Variants in DNAH14 observed in about 807,000 individuals in gnomAD.
The protein encoded by DNAH14 is dynein axonemal heavy chain 14.
In DNAH14, 478 loss-of-function variants were observed where a neutral mutation model predicts 520.9. The ratio of observed to expected loss-of-function variants is 0.92; its 90% CI spans 0.85 to 0.99. The LOEUF is 0.99. Ranked by LOEUF, DNAH14 falls within the 50% of genes least tolerant of loss-of-function variation. The pLI is 0.00. For synonymous variants in DNAH14, 1,581 were observed against 1,757.2 expected (o/e 0.90, Z 2.51); for missense variants, 4,831 against 5,234.5 (o/e 0.92, Z 2.38).
intron 60 of DNAH14, among the ~76,000 whole-genome samples, chr1:225,313,091 G>T (rs1167938459): frequency 1.3e-5 from 2 of 152,068 alleles, no homozygotes; most frequent in Non-Finnish European, 2.9e-5. Context: ...TTTTCAGTTG[G>T]TAGGCTATTA....
At chr1:225,108,165 C>T (rs1009649819) in intron 23 of DNAH14, among the ~76,000 whole-genome samples, 2 of 152,172 alleles carry the variant, frequency 1.3e-5, no homozygotes, top group African/African-American at 4.8e-5. Context: ...TATCTTTCTC[C>T]CTTGCTGGAT....
intron 8 of DNAH14, among the ~76,000 whole-genome samples, chr1:224,985,894 C>T (rs1377895051): frequency 1.3e-5 from 2 of 151,312 alleles, no homozygotes; most frequent in African/African-American, 2.4e-5. Context: ...TGAAGCATGC[C>T]TACAAGATCT....
intron 38 of DNAH14, among the ~76,000 whole-genome samples, chr1:225,198,661 A>G (rs1046865100): frequency 4.6e-5 from 7 of 152,148 alleles, no homozygotes; most frequent in Non-Finnish European, 4.4e-5. Context: ...TGACTTGCAT[A>G]TGTTAAATCA....
chr1:224,975,831 T>C (rs963267570), intron 8 of DNAH14, among the ~76,000 whole-genome samples: 9 of 151,916 alleles, frequency 5.9e-5, no homozygotes, highest in Admixed American at 4.6e-4. Flanking sequence ...GGTGTCAATT[T>C]TGGATCTTTC....
At chr1:225,151,434 A>C (rs985978933) in intron 31 of DNAH14, among the ~76,000 whole-genome samples, 2 of 152,076 alleles carry the variant, frequency 1.3e-5, no homozygotes, top group Admixed American at 6.6e-5. Context: ...TTTTGTCCCA[A>C]TTGTTTTCCT....
chr1:224,967,439 G>T lies in DNAH14; in HGVS notation c.507G>T (p.Leu169Phe). ...TTTTTTTTTAATCTCAGAAACCTTT[G>T]GAAGATGATGGAGAATTTGTTTATT... ...AIQKITLKKP[L>F]EDDGEFVYCL... The change falls in exon 6 of 86, where the codon TTG becomes TTT. Residue 169 changes from leucine (L) to phenylalanine (F), a missense_variant. Coordinates refer to ENST00000682510, the MANE Select transcript of DNAH14 (RefSeq NM_001367479.1). 6.5e-7 allele frequency: 1 copy of T among 1,539,150 alleles called. No individual in the cohort carries two copies.
intron 50 of DNAH14, among the ~76,000 whole-genome samples, chr1:225,271,096 A>G (rs755568590): frequency 2.5e-4 from 38 of 152,202 alleles, no homozygotes; most frequent in Non-Finnish European, 2.9e-5. Flanking sequence ...TAAAATGTAG[A>G]TTTTAGGACT....
At chr1:225,333,193 A>T in intron 65 of DNAH14, 98 bp from the exon 66 acceptor site, 1 of 950,794 alleles carries the variant, frequency 1.1e-6, no homozygotes, top group Non-Finnish European at 1.5e-6. Context: ...CAGCAGTAGT[A>T]ATTGCAATGA....
intron 17 of DNAH14, among the ~76,000 whole-genome samples, chr1:225,065,451 C>A (rs1423318229): frequency 6.7e-6 from 1 of 150,350 alleles, no homozygotes; most frequent in African/African-American, 2.4e-5. Context: ...AAAAAAAAAA[C>A]CAACAACAAC....
At chr1:225,386,766 G>A (rs1420417075) in intron 81 of DNAH14, among the ~76,000 whole-genome samples, 11 of 152,056 alleles carry the variant, frequency 7.2e-5, no homozygotes, top group East Asian at 5.8e-4. Context: ...AAATAGGAAC[G>A]CTTTTACACT....
chr1:225,352,711 C>G (rs910101998), intron 72 of DNAH14, among the ~76,000 whole-genome samples: 3 of 151,856 alleles, frequency 2.0e-5, no homozygotes, highest in African/African-American at 7.3e-5. Flanking sequence ...GTATTAACAT[C>G]TATATTCAAA....
At chr1:224,952,969 T>C in intron 2 of DNAH14, 190 bp downstream of exon 2, 1 of 398,102 alleles carries the variant, frequency 2.5e-6, no homozygotes, top group Non-Finnish European at 4.5e-6. Flanking sequence ...TTAACCCTGG[T>C]TGTTGGCTCC....
At chr1:225,379,412 T>C (rs2095751079) in intron 79 of DNAH14, among the ~76,000 whole-genome samples, 1 of 152,260 alleles carries the variant, frequency 6.6e-6, no homozygotes, top group Non-Finnish European at 1.5e-5. Flanking sequence ...TTTGTGGTTC[T>C]GTGAAGATAC....
chr1:225,136,610 A>G (rs61849834), intron 27 of DNAH14, among the ~76,000 whole-genome samples: 394 of 152,114 alleles, frequency 2.6e-3, no homozygotes, highest in Non-Finnish European at 4.2e-3. Context: ...ACCATGGAGA[A>G]TCTCATGATT....
chr1:225,060,128 C>G (rs1368709005), intron 17 of DNAH14, among the ~76,000 whole-genome samples: 1 of 152,216 alleles, frequency 6.6e-6, no homozygotes, highest in Non-Finnish European at 1.5e-5. Context: ...TGTTTTCCGA[C>G]TTGGTTCCAT....
chr1:225,055,251 T>C (rs1056211136), intron 17 of DNAH14, among the ~76,000 whole-genome samples: 4 of 152,188 alleles, frequency 2.6e-5, no homozygotes, highest in Admixed American at 1.3e-4. Context: ...GGTGTCGTTT[T>C]CTAATTCTCC....
chr1:225,175,911 A>G (rs1030793553), intron 36 of DNAH14, among the ~76,000 whole-genome samples: 7 of 151,834 alleles, frequency 4.6e-5, no homozygotes, highest in African/African-American at 1.4e-4. Context: ...GGCACCCACC[A>G]TGCCCGGCTA....
chr1:225,000,293 CTGAT>C (rs1268837727), intron 8 of DNAH14, among the ~76,000 whole-genome samples: 1 of 152,038 alleles, frequency 6.6e-6, no homozygotes, highest in Non-Finnish European at 1.5e-5. Context: ...TTTCCTCTTG[CTGAT>C]TTCAAGGTTT....
chr1:224,946,915 C>CT (rs746576812), intron 1 of DNAH14, among the ~76,000 whole-genome samples: 3,073 of 108,222 alleles, frequency 0.028, 125 homozygotes, highest in African/African-American at 0.065. Flanking sequence ...GTTTCATCTA[C>CT]TTTTTTTTTT....
Sources: gnomAD v4.1 joint callset for allele counts (sites outside exome capture counted in the v4.1 genomes callset) on GRCh38, gnomAD v4.1.1 for gene constraint, MANE v1.5 for transcripts, NCBI Gene and HGNC (gene_info 2026-07-23, HGNC 2026-07-21) for gene names.